Variants in MTDH observed in about 807,000 individuals in gnomAD.
The protein encoded by MTDH is protein LYRIC.
In MTDH, 34 loss-of-function variants were observed where a neutral mutation model predicts 72.7. The observed-to-expected ratio is 0.47, with a 90% confidence interval of 0.36 to 0.62. The LOEUF (loss-of-function observed/expected upper bound fraction) is 0.62. Among genes scored for constraint, MTDH ranks in the 20% least tolerant of loss-of-function variants. The probability of loss-of-function intolerance (pLI) is 0.00; values close to 1 mark genes in which losing one functional copy is unlikely to be tolerated. For missense variants in MTDH, 677 were observed against 699.4 expected (o/e 0.97, Z 0.36); for synonymous variants, 266 against 268.9 (o/e 0.99, Z 0.10).
At position 97,644,350 on chromosome 8, in the gene MTDH, C is replaced by T; in HGVS notation, c.-157C>T. ...CTGGGAGACCCCTCCGCCCTCCCCG[C>T]GGTGGCAGCGGCCGATCCCCGGCTC... On this transcript the variant is annotated 5_prime_UTR_variant, in exon 1 of 12. Transcript: ENST00000336273. 1 of 992,278 alleles carries T rather than the reference C, an allele frequency of 1.0e-6. No homozygotes were observed. Among genetic ancestry groups the T allele is most frequent in the Non-Finnish European group, 1.4e-6 (1 of 714,978 alleles). The allele number at this position is 992,278 out of a possible 1,614,324, so 61.5% of individuals were successfully genotyped here. A position where few individuals can be genotyped will look rare whatever the true frequency, so the allele number is the denominator to read the frequency against.
At chr8:97,663,592 T>C (rs1034674975) in intron 2 of MTDH, among the ~76,000 whole-genome samples, 8 of 151,622 alleles carry the variant, frequency 5.3e-5, no homozygotes, top group African/African-American at 1.7e-4. Context: ...ACTAAAAATA[T>C]AAAAAAATTA....
chr8:97,658,566 C>T (rs570688559), intron 1 of MTDH, among the ~76,000 whole-genome samples: 38 of 152,084 alleles, frequency 2.5e-4, no homozygotes, highest in African/African-American at 9.2e-4. Flanking sequence ...TAAATAAATC[C>T]CAATGACTCA....
At chr8:97,653,783 G>C (rs148092097) in intron 1 of MTDH, among the ~76,000 whole-genome samples, 2 of 152,280 alleles carry the variant, frequency 1.3e-5, no homozygotes, top group African/African-American at 2.4e-5. Context: ...AAATGCACTT[G>C]TTTTTCTCTC....
chr8:97,647,032 C>T (rs1461601313), intron 1 of MTDH, among the ~76,000 whole-genome samples: 2 of 152,168 alleles, frequency 1.3e-5, no homozygotes, highest in African/African-American at 4.8e-5. Flanking sequence ...GCATGACCCA[C>T]AGTTATGGGG....
At chr8:97,709,407 C>A (rs1220359838) in intron 8 of MTDH, among the ~76,000 whole-genome samples, 1 of 152,106 alleles carries the variant, frequency 6.6e-6, no homozygotes, top group East Asian at 1.9e-4. Flanking sequence ...ACATTTAACA[C>A]AATAGAACCC....
intron 6 of MTDH, among the ~76,000 whole-genome samples, chr8:97,692,586 C>T (rs373019154): frequency 2.0e-5 from 3 of 152,128 alleles, no homozygotes; most frequent in East Asian, 3.9e-4. Flanking sequence ...CCATGTTGGC[C>T]AGGCTGGTTT....
chr8:97,677,299 C>G (rs1812893329), intron 2 of MTDH, among the ~76,000 whole-genome samples: 1 of 150,666 alleles, frequency 6.6e-6, no homozygotes, highest in Admixed American at 6.6e-5. Context: ...CGAGACCAGC[C>G]TGGCCAAGAT....
At chr8:97,719,322 G>A (rs1815012115) in intron 10 of MTDH, 133 bp downstream of exon 10, 13 of 836,908 alleles carry the variant, frequency 1.6e-5, no homozygotes, top group South Asian at 3.8e-5. Context: ...GTGAAACCCC[G>A]TCTCTACTAA....
chr8:97,682,280 ATTTT>A (rs1175139487), intron 2 of MTDH, among the ~76,000 whole-genome samples: 6 of 3,622 alleles, frequency 1.7e-3, no homozygotes, highest in African/African-American at 2.5e-3. Context: ...ATATATATAT[ATTTT>A]TTTTTTTTTT....
At chr8:97,668,296 GA>G (rs1310971129) in intron 2 of MTDH, among the ~76,000 whole-genome samples, 2 of 151,716 alleles carry the variant, frequency 1.3e-5, no homozygotes, top group African/African-American at 2.4e-5. Flanking sequence ...CAAAAAAAAA[GA>G]AAAAAATTTT....
chr8:97,708,953 G>A (rs951392936), intron 8 of MTDH, among the ~76,000 whole-genome samples: 5 of 151,894 alleles, frequency 3.3e-5, no homozygotes, highest in Non-Finnish European at 7.4e-5. Flanking sequence ...CCCACTTTGC[G>A]AGGCCAAGGT....
chr8:97,667,044 C>T (rs1049490818), intron 2 of MTDH, among the ~76,000 whole-genome samples: 9 of 151,532 alleles, frequency 5.9e-5, no homozygotes, highest in Non-Finnish European at 1.0e-4. Context: ...CAGCCTGGAG[C>T]GCAGTGGCAC....
intron 1 of MTDH, among the ~76,000 whole-genome samples, chr8:97,656,539 G>A (rs1563522611): frequency 6.6e-6 from 1 of 151,374 alleles, no homozygotes; most frequent in Non-Finnish European, 1.5e-5. Flanking sequence ...TTGACCTCAT[G>A]ATCTGCCTGC....
intron 2 of MTDH, among the ~76,000 whole-genome samples, chr8:97,684,874 T>C (rs1474412196): frequency 1.3e-5 from 2 of 152,216 alleles, no homozygotes; most frequent in African/African-American, 2.4e-5. Flanking sequence ...GAGACCAGCC[T>C]GGCTGACATG....
At chr8:97,706,521 A>G (rs1814358662) in intron 7 of MTDH, 105 bp from the exon 8 acceptor site, 2 of 1,129,732 alleles carry the variant, frequency 1.8e-6, no homozygotes, top group African/African-American at 3.2e-5. Context: ...GAGACAGAAC[A>G]ATAACTTAAA....
chr8:97,684,314 C>A (rs1207055954), intron 2 of MTDH, among the ~76,000 whole-genome samples: 1 of 151,972 alleles, frequency 6.6e-6, no homozygotes, highest in South Asian at 2.1e-4. Flanking sequence ...TTAAAATTGT[C>A]ACCTATTTTA....
intron 5 of MTDH, among the ~76,000 whole-genome samples, chr8:97,690,418 A>G (rs1274721790): frequency 2.6e-5 from 4 of 152,218 alleles, no homozygotes; most frequent in Non-Finnish European, 5.9e-5. Context: ...ACATATATGT[A>G]AAAAGAAACA....
intron 2 of MTDH, among the ~76,000 whole-genome samples, chr8:97,662,439 G>A (rs1020533224): frequency 6.6e-6 from 1 of 151,876 alleles, no homozygotes; most frequent in Non-Finnish European, 1.5e-5. Context: ...TCGGTAAGTG[G>A]TTTCTGGGAA....
At chr8:97,707,247 G>A (rs1167418692) in intron 8 of MTDH, among the ~76,000 whole-genome samples, 1 of 150,420 alleles carries the variant, frequency 6.6e-6, no homozygotes, top group East Asian at 1.9e-4. Context: ...TACCTCCTGT[G>A]TTCAAGCAGT....
Sources: allele counts gnomAD v4.1 joint callset (sites outside exome capture counted in the v4.1 genomes callset), GRCh38; gene constraint gnomAD v4.1.1; transcripts MANE v1.5; gene names NCBI Gene and HGNC (gene_info 2026-07-23, HGNC 2026-07-21).